CCND1: variants seen among roughly 807,000 people sequenced by gnomAD.
The protein encoded by CCND1 is cyclin D1.
In CCND1, 9 loss-of-function variants were observed where a neutral mutation model predicts 26.1. That is an observed-to-expected ratio of 0.35 (90% CI 0.21 to 0.60). The LOEUF (loss-of-function observed/expected upper bound fraction) is 0.60. Ranked by LOEUF, CCND1 falls within the 20% of genes least tolerant of loss-of-function variation. The pLI, the probability that CCND1 is intolerant of heterozygous loss-of-function variation, is 0.79. For synonymous variants in CCND1, 194 were observed against 166.1 expected (o/e 1.17, Z -1.29); for missense variants, 335 against 392.9 (o/e 0.85, Z 1.25).
chr11:69,651,282 AGGGCGCCAGGCAGGC>A lies in CCND1; in HGVS notation c.*9_*23del, dbSNP rs889887455. The A allele has an allele frequency of 2.0e-6, 3 of 1,497,878 alleles. No individual in the cohort carries two copies. In the African/African-American group the frequency reaches 4.3e-5, roughly 21 times the overall value. 92.8% of individuals were successfully genotyped at this position (1,497,878 alleles called of 1,614,324 possible). A position where few individuals can be genotyped will look rare whatever the true frequency, so the allele number is the denominator to read the frequency against. On this transcript the variant is annotated 3_prime_UTR_variant, in exon 5 of 5. Transcript: ENST00000227507. ...CCGACGTGCGGGACGTGGACATCTG[AGGGCGCCAGGCAGGC>A]GGGCGCCACCGCCACCCGCAGCGAG...
At chr11:69,646,112 G>T (rs1419782283) in intron 3 of CCND1, among the ~76,000 whole-genome samples, 1 of 152,232 alleles carries the variant, frequency 6.6e-6, no homozygotes, top group African/African-American at 2.4e-5. Context: ...ACTCCACGCT[G>T]TGTGTGCCCC....
chr11:69,653,726 T>C lies in CCND1; in HGVS notation c.*2444T>C, dbSNP rs1855885915. 3.4e-6 allele frequency: 1 copy of C among 295,498 alleles called. No homozygotes were observed. The highest frequency in any genetic ancestry group is 6.3e-6 in the Non-Finnish European group (1 of 158,106). 18.3% of individuals were successfully genotyped at this position (295,498 alleles called of 1,614,324 possible). A position where few individuals can be genotyped will look rare whatever the true frequency, so the allele number is the denominator to read the frequency against. On this transcript the variant is annotated 3_prime_UTR_variant, in exon 5 of 5. Coordinates refer to ENST00000227507, the MANE Select transcript of CCND1 (RefSeq NM_053056.3). ...GGGGGCGTAGCATCATAGTAGTTTTTACAGCTGTGTTATTCTTTGCGTGTA... is the reference window on the plus strand; with the variant it reads ...GGGGGCGTAGCATCATAGTAGTTTTCACAGCTGTGTTATTCTTTGCGTGTA...
intron 4 of CCND1, among the ~76,000 whole-genome samples, chr11:69,650,443 G>A (rs1389280758): frequency 6.6e-6 from 1 of 152,238 alleles, no homozygotes; most frequent in Non-Finnish European, 1.5e-5. Flanking sequence ...CCCAGAGGGT[G>A]GAGGTGCAGG....
chr11:69,648,182 T>C (rs1395469238), intron 4 of CCND1, 40 bp downstream of exon 4: 2 of 1,610,380 alleles, frequency 1.2e-6, no homozygotes, highest in Non-Finnish European at 1.7e-6. Context: ...TGCCGGGGCT[T>C]ACAGGGGGAG....
intron 1 of CCND1, 124 bp from the exon 2 acceptor site, chr11:69,642,907 C>G (rs1401916501): frequency 1.9e-6 from 1 of 537,444 alleles, no homozygotes; most frequent in Non-Finnish European, 2.9e-6. Context: ...CCTGCCGCCC[C>G]CAGCCCCGAC....
rs367683590 is a variant in CCND1, at chr11:69,643,244, C to T, written c.412C>T (p.Leu138=). The part of the protein sequence containing the change: ...TDNSIRPEEL[L]QMELLLVNKL... ...CAACTCCATCCGGCCCGAGGAGCTG[C>T]TGGTAACCACTGGACCCCGCCGCCC... Residue 138 remains leucine, a splice_region_variant and synonymous_variant, in exon 2 of 5, where the codon CTG becomes TTG. Transcript: ENST00000227507. The T allele has an allele frequency of 8.9e-6, 14 of 1,568,930 alleles. No individual in the cohort carries two copies. The highest frequency in any genetic ancestry group is 8.6e-7 in the Non-Finnish European group (1 of 1,158,188).
chr11:69,653,034 A>G lies in CCND1; in HGVS notation c.*1752A>G. On this transcript the variant is annotated 3_prime_UTR_variant, in exon 5 of 5. Coordinates refer to ENST00000227507, the MANE Select transcript of CCND1 (RefSeq NM_053056.3). ...ATTCTTATCCCCTGCCCCTTCCTTT[A>G]AAAAACTTAGTGACAAAATAGACAA... 4.1e-6 allele frequency: 2 copies of G among 492,212 alleles called. No homozygotes were observed. Among genetic ancestry groups the G allele is most frequent in the South Asian group, 3.2e-5 (1 of 30,844 alleles). 30.5% of individuals were successfully genotyped at this position (492,212 alleles called of 1,614,324 possible). A position where few individuals can be genotyped will look rare whatever the true frequency, so the allele number is the denominator to read the frequency against.
chr11:69,653,996 G>A lies in CCND1; in HGVS notation c.*2714G>A. On this transcript the variant is annotated 3_prime_UTR_variant, in exon 5 of 5. Transcript: ENST00000227507. ...CAATGAAGCCAGCTCACAGTGCTGTGTGCCCCGGTCACCTAGCAAGCTGCC... is the reference window on the plus strand; with the variant it reads ...CAATGAAGCCAGCTCACAGTGCTGTATGCCCCGGTCACCTAGCAAGCTGCC... The A allele has an allele frequency of 1.7e-6, 1 of 597,178 alleles. No individual in the cohort carries two copies. The highest frequency in any genetic ancestry group is 3.0e-6 in the Non-Finnish European group (1 of 335,156). The allele number at this position is 597,178 out of a possible 1,614,324, so 37.0% of individuals were successfully genotyped here. A position where few individuals can be genotyped will look rare whatever the true frequency, so the allele number is the denominator to read the frequency against.
chr11:69,643,648 C>A lies in CCND1; in HGVS notation c.415-184C>A, dbSNP rs376935644. On this transcript the variant is annotated intron_variant, in intron 2 of 4. Transcript: ENST00000227507. ...GTTTTGATCTGGGATTGCGTGTTGCCCCAGCTCCCTTGAGTCCCCAGCATT... is the reference window on the plus strand; with the variant it reads ...GTTTTGATCTGGGATTGCGTGTTGCACCAGCTCCCTTGAGTCCCCAGCATT... The A allele has an allele frequency of 9.4e-5, 53 of 566,808 alleles. No individual in the cohort carries two copies. In the South Asian group the frequency reaches 1.3e-3, roughly 14 times the overall value. 35.1% of individuals were successfully genotyped at this position (566,808 alleles called of 1,614,324 possible).
chr11:69,642,828 T>C (rs1417808150), intron 1 of CCND1, among the ~76,000 whole-genome samples: 4 of 151,908 alleles, frequency 2.6e-5, no homozygotes, highest in Non-Finnish European at 5.9e-5. Flanking sequence ...TCGCGGGGAC[T>C]TTCCCTTTCA....
In CCND1 at chr11:69,651,327, G is replaced by C. The variant is rs1217235549; in HGVS notation, c.*45G>C. 7.1e-7 allele frequency: 1 copy of C among 1,412,940 alleles called. No individual in the cohort carries two copies. Among genetic ancestry groups the C allele is most frequent in the Non-Finnish European group, 9.3e-7 (1 of 1,078,820 alleles). The allele number at this position is 1,412,940 out of a possible 1,614,324, so 87.5% of individuals were successfully genotyped here. On this transcript the variant is annotated 3_prime_UTR_variant, in exon 5 of 5. Coordinates refer to ENST00000227507, the MANE Select transcript of CCND1 (RefSeq NM_053056.3). ...GCCACCGCCACCCGCAGCGAGGGCG[G>C]AGCCGGCCCCAGGTGCTCCCCTGAC...
rs149785366 is a variant in CCND1, at chr11:69,651,901, G to C, written c.*619G>C. 1 of 233,030 alleles carries C rather than the reference G, an allele frequency of 4.3e-6. No homozygotes were observed. The highest frequency in any genetic ancestry group is 8.5e-6 in the Non-Finnish European group (1 of 117,934). The allele number at this position is 233,030 out of a possible 1,614,324, so 14.4% of individuals were successfully genotyped here. ...TCATTGTATGTTATTATATTCCGTA[G>C]GTAGATGTGTAACCTCTTCACCTTA... On this transcript the variant is annotated 3_prime_UTR_variant, in exon 5 of 5. Coordinates refer to ENST00000227507, the MANE Select transcript of CCND1 (RefSeq NM_053056.3).
chr11:69,643,967 A>G lies in CCND1; in HGVS notation c.550A>G (p.Thr184Ala), dbSNP rs2120095008. 1 of 1,613,340 alleles carries G rather than the reference A, an allele frequency of 6.2e-7. No individual in the cohort carries two copies. Among genetic ancestry groups the G allele is most frequent in the Non-Finnish European group, 8.5e-7 (1 of 1,179,990 alleles). ...ACAGATCATCCGCAAACACGCGCAG[A>G]CCTTCGTTGCCCTCTGTGCCACAGG... Reference protein sequence around the residue: ...NKQIIRKHAQTFVALCATDVK... With the variant: ...NKQIIRKHAQAFVALCATDVK... The change falls in exon 3 of 5, where the codon ACC (threonine) becomes GCC (alanine). Residue 184 changes from threonine to alanine, a missense_variant. By Grantham distance (58) the Thr-to-Ala change is moderately conservative (BLOSUM62 0). Coordinates refer to ENST00000227507, the MANE Select transcript of CCND1 (RefSeq NM_053056.3).
Position 69,652,704 on chromosome 11 carries a change from A to G in CCND1, c.*1422A>G. On this transcript the variant is annotated 3_prime_UTR_variant, in exon 5 of 5. Transcript: ENST00000227507. The stretch of plus-strand genomic sequence containing the variant: ...TAATTTATAGTTAAGGCTAAAAAGT[A>G]TATTTATTGCAGAGGATGTTCATAA... The G allele has an allele frequency of 8.6e-6, 2 of 233,344 alleles. No individual in the cohort carries two copies. Among genetic ancestry groups the G allele is most frequent in the South Asian group, 1.8e-4 (1 of 5,528 alleles). 14.5% of individuals were successfully genotyped at this position (233,344 alleles called of 1,614,324 possible).
chr11:69,645,991 G>A (rs2120101712), intron 3 of CCND1, among the ~76,000 whole-genome samples: 1 of 152,284 alleles, frequency 6.6e-6, no homozygotes, highest in Non-Finnish European at 1.5e-5. Flanking sequence ...AGCGGATAGG[G>A]TCAAATCCTG....
At position 69,641,242 on chromosome 11, in the gene CCND1, A is replaced by G; in HGVS notation, c.-72A>G. 7.0e-7 allele frequency: 1 copy of G among 1,422,346 alleles called. No homozygotes were observed. Among genetic ancestry groups the G allele is most frequent in the Non-Finnish European group, 9.8e-7 (1 of 1,020,454 alleles). The allele number at this position is 1,422,346 out of a possible 1,614,324, so 88.1% of individuals were successfully genotyped here. A position where few individuals can be genotyped will look rare whatever the true frequency, so the allele number is the denominator to read the frequency against. On this transcript the variant is annotated 5_prime_UTR_variant, in exon 1 of 5. Coordinates refer to ENST00000227507, the MANE Select transcript of CCND1 (RefSeq NM_053056.3). ...AGAGCGCGAGGGAGCGCGGGGCAGC[A>G]GAAGCGAGAGCCGAGCGCGGACCCA...
rs1211578322 is a variant in CCND1 at position 69,652,544 on chromosome 11, G to T, written c.*1262G>T. The T allele has an allele frequency of 4.3e-6, 1 of 233,292 alleles. No individual in the cohort carries two copies. The highest frequency in any genetic ancestry group is 8.5e-6 in the Non-Finnish European group (1 of 118,030). 14.5% of individuals were successfully genotyped at this position (233,292 alleles called of 1,614,324 possible). A position where few individuals can be genotyped will look rare whatever the true frequency, so the allele number is the denominator to read the frequency against. On this transcript the variant is annotated 3_prime_UTR_variant, in exon 5 of 5. Coordinates refer to ENST00000227507, the MANE Select transcript of CCND1 (RefSeq NM_053056.3). ...AGTTCCTTTCCTTTTCTTTAAAGAAGTTGAAGTTTAGGAATCCTTTGGTGC... is the reference window on the plus strand; with the variant it reads ...AGTTCCTTTCCTTTTCTTTAAAGAATTTGAAGTTTAGGAATCCTTTGGTGC...
intron 4 of CCND1, 154 bp downstream of exon 4, chr11:69,648,296 G>A: frequency 1.3e-6 from 1 of 748,254 alleles, no homozygotes; most frequent in East Asian, 2.7e-5. Flanking sequence ...CAGACTGACA[G>A]GGCACCGGCT....
At position 69,652,730 on chromosome 11, in the gene CCND1, G is replaced by C. The variant is rs1855869334; in HGVS notation, c.*1448G>C. The C allele has an allele frequency of 4.3e-6, 1 of 233,062 alleles. No individual in the cohort carries two copies. Among genetic ancestry groups the C allele is most frequent in the Admixed American group, 5.6e-5 (1 of 17,732 alleles). The allele number at this position is 233,062 out of a possible 1,614,324, so 14.4% of individuals were successfully genotyped here. ...TATTTATTGCAGAGGATGTTCATAA[G>C]GCCAGTATGATTTATAAATGCAATC... On this transcript the variant is annotated 3_prime_UTR_variant, in exon 5 of 5. Transcript: ENST00000227507.
Sources: allele counts gnomAD v4.1 joint callset (sites outside exome capture counted in the v4.1 genomes callset), GRCh38; gene constraint gnomAD v4.1.1; transcripts MANE v1.5; gene names NCBI Gene and HGNC (gene_info 2026-07-23, HGNC 2026-07-21).